The following ADGRG4 variants were observed in gnomAD, a reference collection of about 807,000 sequenced individuals.
ADGRG4 encodes the protein G protein-coupled receptor 112.
Under a neutral mutation model 126.2 loss-of-function variants are expected in ADGRG4, and 122 were observed. The ratio of observed to expected loss-of-function variants is 0.97; its 90% CI spans 0.83 to 1.12. ADGRG4 has a LOEUF of 1.12. Among genes scored for constraint, ADGRG4 ranks in the 50% most tolerant of loss-of-function variants. The pLI is 0.00. For missense variants in ADGRG4, 2,481 were observed against 2,251.8 expected (o/e 1.10, Z -2.06); for synonymous variants, 943 against 838.7 (o/e 1.12, Z -2.15).
At position 136,348,079 on chromosome X, in the gene ADGRG4, GCA is replaced by G. The variant is rs772707932; in HGVS notation, c.4378_4379del (p.Gln1460AspfsTer4). On this transcript the variant is annotated frameshift_variant, in exon 6 of 26. Transcript: ENST00000394143. LOFTEE classifies it high-confidence loss of function. ...TCAGTTGCCTCTTTCATTTCTGAAA[GCA>G]CACAGACTTTCCCTGAGTCCTTGTC... is the stretch of plus-strand genomic sequence containing the variant. 8.3e-7 allele frequency: 1 copy of G among 1,209,597 alleles called. No homozygotes were observed. Among genetic ancestry groups the G allele is most frequent in the East Asian group, 3.0e-5 (1 of 33,815 alleles).
chrX:136,371,588 T>G (rs779877607), intron 14 of ADGRG4, 44 bp downstream of exon 14: 76 of 819,203 alleles, frequency 9.3e-5, no homozygotes, highest in Non-Finnish European at 1.2e-4. Context: ...TTTAAAAAAT[T>G]TAAAATGCAG....
Position 136,405,811 on chromosome X carries a change from C to T in ADGRG4, c.8774C>T (p.Ser2925Phe). The change falls in exon 23 of 26, where the codon TCC (serine) becomes TTC (phenylalanine). Residue 2925 changes from serine (S) to phenylalanine (F), a missense_variant. Transcript: ENST00000394143. The part of the protein sequence containing the change: ...TVLVQLNSVK[S>F]QIQKTRRKMI... ...CTTGTTCAACTGAATTCTGTGAAAT[C>T]CCAAATCCAGAAGACTCGGCGGAAG... 2 of 1,210,535 alleles carry T rather than the reference C, an allele frequency of 1.7e-6. No individual in the cohort carries two copies. The highest frequency in any genetic ancestry group is 2.2e-6 in the Non-Finnish European group (2 of 894,815).
chrX:136,337,179 G>C (rs750365609), intron 5 of ADGRG4, among the ~76,000 whole-genome samples: 13 of 111,361 alleles, frequency 1.2e-4, no homozygotes, highest in Admixed American at 2.9e-4. Flanking sequence ...TTGCTGCCCA[G>C]GCTGGTCTTG....
chrX:136,412,348 C>T lies in ADGRG4; in HGVS notation c.9019C>T (p.Arg3007Ter), dbSNP rs1310086936. 7.7e-6 allele frequency: 9 copies of T among 1,167,550 alleles called. No homozygotes were observed. The highest frequency in any genetic ancestry group is 9.4e-6 in the Non-Finnish European group (8 of 855,404). The part of the protein sequence containing the change: ...WQIHLCCGWL[R>*]LDNSSDGSSR... ...GATACACCTCTGCTGTGGGTGGTTG[C>T]GATTGGATAACTCTTCTGGTAAGAT... The change falls in exon 24 of 26, where the codon CGA becomes TGA. Residue 3007 changes from arginine (R) to a stop codon, truncating the protein, a stop_gained. Transcript: ENST00000394143. LOFTEE classifies it high-confidence loss of function.
rs148853812 is a variant in ADGRG4, at chrX:136,344,088, A to T, written c.686-304A>T. The stretch of plus-strand genomic sequence containing the variant: ...TTTCAAGGAATTGGATCCTTTCCCA[A>T]AGCTAATCTTCTTAATCAATGCACT... On this transcript the variant is annotated intron_variant, in intron 5 of 25. Transcript: ENST00000394143. Among the ~76,000 whole-genome samples, 612 of 111,872 alleles carry T rather than the reference A, an allele frequency of 5.5e-3. 6 individuals carry two copies. Among genetic ancestry groups the T allele is most frequent in the African/African-American group, 0.019 (583 of 30,854 alleles).
intron 19 of ADGRG4, among the ~76,000 whole-genome samples, chrX:136,397,113 A>T (rs982602569): frequency 9.0e-6 from 1 of 110,671 alleles, no homozygotes; most frequent in Non-Finnish European, 1.9e-5. Context: ...GTCGTGGGGG[A>T]TTGTTCTGTG....
At chrX:136,333,557 G>T (rs2074927745) in intron 5 of ADGRG4, among the ~76,000 whole-genome samples, 2 of 110,876 alleles carry the variant, frequency 1.8e-5, no homozygotes, top group South Asian at 7.7e-4. Context: ...TTGCTCTGTT[G>T]CCCAGGCTGG....
chrX:136,363,647 C>T, intron 13 of ADGRG4, 52 bp downstream of exon 13: 1 of 790,419 alleles, frequency 1.3e-6, no homozygotes, highest in East Asian at 3.2e-5. Flanking sequence ...AATTACTTTG[C>T]CTACTTGACC....
Position 136,344,607 on chromosome X carries a change from A to C in ADGRG4, c.901A>C (p.Lys301Gln), listed in dbSNP as rs749361196. The change falls in exon 6 of 26, where the codon AAA becomes CAA. Residue 301 changes from lysine to glutamine, a missense_variant. Transcript: ENST00000394143. ...ACCTCTGGAAACAATGACTGCACAA[A>C]AAATCTTAAAGACACTGGTAGATGA... is the stretch of plus-strand genomic sequence containing the variant. ...SPPLETMTAQ[K>Q]ILKTLVDETA... 1.5e-5 allele frequency: 18 copies of C among 1,207,485 alleles called. No homozygotes were observed. Among genetic ancestry groups the C allele is most frequent in the Non-Finnish European group, 1.9e-5 (17 of 893,367 alleles).
At position 136,345,484 on chromosome X, in the gene ADGRG4, C is replaced by T; in HGVS notation, c.1778C>T (p.Thr593Ile). ...ACTCCTGAAATCACACTTGCATCTA[C>T]AGTGGCTGAAACTATGCTTTCCTCC... Reference protein sequence around the residue: ...ALTPEITLASTVAETMLSSTI... With the variant: ...ALTPEITLASIVAETMLSSTI... Residue 593 changes from threonine to isoleucine, a missense_variant, in exon 6 of 26, where the codon ACA becomes ATA. Transcript: ENST00000394143. 1.7e-6 allele frequency: 2 copies of T among 1,211,105 alleles called. No homozygotes were observed. Among genetic ancestry groups the T allele is most frequent in the South Asian group, 3.5e-5 (2 of 56,938 alleles).
In ADGRG4 at chrX:136,416,312, A is replaced by C. The variant is rs996455632; in HGVS notation, c.9206-142A>C. The C allele has an allele frequency of 1.8e-5, 8 of 453,099 alleles. No homozygotes were observed. In the African/African-American group the frequency reaches 2.0e-4, roughly 11 times the overall value. 37.3% of individuals were successfully genotyped at this position (453,099 alleles called of 1,213,427 possible). ...ATTCACCCCGGATTTTATATAAAAC[A>C]GTCCAAAGAAAGCACCATATCCTTC... On this transcript the variant is annotated intron_variant, in intron 25 of 25. Transcript: ENST00000394143.
At position 136,322,860 on chromosome X, in the gene ADGRG4, A is replaced by G. The variant is rs760237590; in HGVS notation, c.153A>G (p.Glu51=). ...TYVSLIDTIP[E]LSRFTACIDL... ...TAAGCCTGATAGATACCATTCCTGA[A>G]CTCAGCCGATTCACAGCATGCATTG... is the stretch of plus-strand genomic sequence containing the variant. Residue 51 remains glutamate, a synonymous_variant, in exon 5 of 26, where the codon GAA becomes GAG. Coordinates refer to ENST00000394143, the MANE Select transcript of ADGRG4 (RefSeq NM_153834.4). 3.3e-6 allele frequency: 4 copies of G among 1,209,324 alleles called. No homozygotes were observed. The highest frequency in any genetic ancestry group is 4.5e-6 in the Non-Finnish European group (4 of 894,692).
At chrX:136,395,177 G>C (rs2075339568) in intron 18 of ADGRG4, among the ~76,000 whole-genome samples, 1 of 111,415 alleles carries the variant, frequency 9.0e-6, no homozygotes, top group Non-Finnish European at 1.9e-5. Flanking sequence ...GGAAAAGGGA[G>C]AGCCGAAGAA....
Position 136,347,923 on chromosome X carries a change from C to G in ADGRG4, c.4217C>G (p.Ser1406Cys). 8.3e-7 allele frequency: 1 copy of G among 1,206,414 alleles called. No individual in the cohort carries two copies. The change falls in exon 6 of 26, where the codon TCT becomes TGT. Residue 1406 changes from serine to cysteine, a missense_variant. Ser to Cys is a moderately radical substitution (Grantham distance 112). Coordinates refer to ENST00000394143, the MANE Select transcript of ADGRG4 (RefSeq NM_153834.4). The part of the protein sequence containing the change: ...MIVNSTYVTH[S>C]VSYGQDTSFV... Reference sequence around the variant, plus strand: ...GTAAACTCCACCTATGTGACTCACTCTGTCTCATATGGCCAGGATACTTCA... The same window carrying G: ...GTAAACTCCACCTATGTGACTCACTGTGTCTCATATGGCCAGGATACTTCA...
At chrX:136,400,407 C>A (rs1411809910) in intron 21 of ADGRG4, among the ~76,000 whole-genome samples, 1 of 112,138 alleles carries the variant, frequency 8.9e-6, no homozygotes, top group Non-Finnish European at 1.9e-5. Flanking sequence ...GTTACAGTCA[C>A]AACAAATACT....
intron 1 of ADGRG4, among the ~76,000 whole-genome samples, chrX:136,303,256 C>A (rs910464937): frequency 1.9e-5 from 2 of 106,681 alleles, no homozygotes; most frequent in Non-Finnish European, 3.9e-5. Flanking sequence ...GAATTTGAGA[C>A]CATATGGGCA....
intron 15 of ADGRG4, among the ~76,000 whole-genome samples, chrX:136,386,258 G>A (rs1266546086): frequency 8.9e-6 from 1 of 111,990 alleles, no homozygotes; most frequent in Non-Finnish European, 1.9e-5. Flanking sequence ...TATTGAAACA[G>A]ATGTTGAATT....
chrX:136,383,446 T>C (rs972431604), intron 15 of ADGRG4, among the ~76,000 whole-genome samples: 4 of 112,100 alleles, frequency 3.6e-5, no homozygotes, highest in Non-Finnish European at 5.6e-5. Context: ...CTGGTTTGAA[T>C]ATAAAAAACC....
At position 136,345,072 on chromosome X, in the gene ADGRG4, C is replaced by CCTGCATCTACTCATGTTGGGA. The variant is rs1569322155; in HGVS notation, c.1374_1394dup (p.Thr459_Ser465dup). 4 of 1,210,286 alleles carry CCTGCATCTACTCATGTTGGGA rather than the reference C, an allele frequency of 3.3e-6. No individual in the cohort carries two copies. Among genetic ancestry groups the CCTGCATCTACTCATGTTGGGA allele is most frequent in the Non-Finnish European group, 4.5e-6 (4 of 894,206 alleles). On this transcript the variant is annotated inframe_insertion, in exon 6 of 26. Coordinates refer to ENST00000394143, the MANE Select transcript of ADGRG4 (RefSeq NM_153834.4). ...TTGGTTTACAGTGGAAAAGACTTCA[C>CCTGCATCTACTCATGTTGGGA]CTGCATCTACTCATGTTGGGACTGC...
Sources: gnomAD v4.1 joint callset for allele counts (sites outside exome capture counted in the v4.1 genomes callset) on GRCh38, gnomAD v4.1.1 for gene constraint, MANE v1.5 for transcripts, NCBI Gene and HGNC (gene_info 2026-07-23, HGNC 2026-07-21) for gene names.